ELMOD3: variants seen among roughly 807,000 people sequenced by gnomAD.
ELMOD3 encodes ELMO domain containing 3.
ELMOD3 carries 36 observed loss-of-function variants against 47.4 expected under a neutral mutation model. That is an observed-to-expected ratio of 0.76 (90% CI 0.58 to 1.00). The LOEUF is 1.00. Among genes scored for constraint, ELMOD3 ranks in the 50% least tolerant of loss-of-function variants. ELMOD3 has a pLI of 0.00. For missense variants in ELMOD3, 404 were observed against 463.8 expected, an observed-to-expected ratio of 0.87 and a Z score of 1.18; for synonymous variants, 149 against 183.5, an observed-to-expected ratio of 0.81 and a Z score of 1.52.
In ELMOD3 at chr2:85,375,247, C is replaced by T. The variant is rs376673067; in HGVS notation, c.608-2097C>T. Among the ~76,000 whole-genome samples, 6 of 152,284 alleles carry T rather than the reference C, an allele frequency of 3.9e-5. No homozygotes were observed. In the South Asian group the frequency reaches 8.3e-4, roughly 21 times the overall value. Reference sequence around the variant, plus strand: ...TTTGGTCAATTTTCAGCTGTGATTCCTTTGAATACTTTCTTCAGCTCCACA... The same window carrying T: ...TTTGGTCAATTTTCAGCTGTGATTCTTTTGAATACTTTCTTCAGCTCCACA... On this transcript the variant is annotated intron_variant, in intron 10 of 13. Coordinates refer to ENST00000409013, the MANE Select transcript of ELMOD3 (RefSeq NM_001135022.2).
rs1050290001 is a variant in ELMOD3, at chr2:85,391,553, CCT to C, written c.*592_*593del. ...ATTCACTTACCCACTCTCTTCTCCC[CCT>C]GACCCCCGCTCCATTGTTTATGATG... On this transcript the variant is annotated 3_prime_UTR_variant, in exon 14 of 14. Transcript: ENST00000409013. The C allele has an allele frequency of 3.9e-5, 6 of 153,682 alleles. No individual in the cohort carries two copies. Among genetic ancestry groups the C allele is most frequent in the Non-Finnish European group, 5.8e-5 (4 of 68,952 alleles). 9.5% of individuals were successfully genotyped at this position (153,682 alleles called of 1,614,324 possible).
intron 10 of ELMOD3, among the ~76,000 whole-genome samples, chr2:85,375,574 T>C (rs956189754): frequency 1.3e-5 from 2 of 150,942 alleles, no homozygotes; most frequent in African/African-American, 4.8e-5. Flanking sequence ...ACTGAAACTT[T>C]CTATTTTTTC....
At chr2:85,374,694 C>G (rs1685044789) in intron 10 of ELMOD3, among the ~76,000 whole-genome samples, 1 of 152,078 alleles carries the variant, frequency 6.6e-6, no homozygotes, top group Non-Finnish European at 1.5e-5. Context: ...TGCTTATAGT[C>G]CCAGCTACTG....
intron 11 of ELMOD3, among the ~76,000 whole-genome samples, chr2:85,380,019 C>T (rs769048375): frequency 2.6e-5 from 4 of 152,126 alleles, no homozygotes; most frequent in Non-Finnish European, 4.4e-5. Context: ...TTCCCAAGGG[C>T]GTTATTGGCT....
At chr2:85,365,118 A>G (rs1028002619) in intron 6 of ELMOD3, among the ~76,000 whole-genome samples, 4 of 149,004 alleles carry the variant, frequency 2.7e-5, no homozygotes, top group Admixed American at 2.7e-4. Flanking sequence ...TCTCTGGCTA[A>G]CTTTAAAAAA....
In ELMOD3 at chr2:85,391,037, C is replaced by T. The variant is rs1686320349; in HGVS notation, c.*75C>T. ...GGGTCAGTGGAGCCATGTCAGGAGC[C>T]TGGCCAGGCCGCACCCCTTGCTGTC... is the stretch of plus-strand genomic sequence containing the variant. On this transcript the variant is annotated 3_prime_UTR_variant, in exon 14 of 14. Coordinates refer to ENST00000409013, the MANE Select transcript of ELMOD3 (RefSeq NM_001135022.2). 7.1e-7 allele frequency: 1 copy of T among 1,413,458 alleles called. No individual in the cohort carries two copies. The highest frequency in any genetic ancestry group is 1.4e-5 in the African/African-American group (1 of 69,460). 87.6% of individuals were successfully genotyped at this position (1,413,458 alleles called of 1,614,324 possible).
At chr2:85,382,521 CT>C (rs112459154) in intron 11 of ELMOD3, among the ~76,000 whole-genome samples, 11 of 143,218 alleles carry the variant, frequency 7.7e-5, no homozygotes, top group Admixed American at 1.4e-4. Flanking sequence ...GTCACAAGGA[CT>C]TTTTTTTTTT....
chr2:85,388,445 G>A, intron 11 of ELMOD3, among the ~76,000 whole-genome samples: 1 of 152,172 alleles, frequency 6.6e-6, no homozygotes, highest in East Asian at 1.9e-4. Context: ...ACTTTTTTCT[G>A]CACAGCACTC....
intron 7 of ELMOD3, among the ~76,000 whole-genome samples, chr2:85,369,207 G>C (rs1049996793): frequency 2.6e-5 from 4 of 152,348 alleles, no homozygotes; most frequent in African/African-American, 9.6e-5. Flanking sequence ...CTAAGAGGTT[G>C]GATGAAGAGA....
intron 4 of ELMOD3, among the ~76,000 whole-genome samples, chr2:85,361,820 A>C (rs1219958068): frequency 6.6e-6 from 1 of 151,944 alleles, no homozygotes; most frequent in Non-Finnish European, 1.5e-5. Flanking sequence ...AGTCCCAGCT[A>C]CTCGGAAGGC....
intron 11 of ELMOD3, among the ~76,000 whole-genome samples, chr2:85,388,595 A>G (rs1051908254): frequency 6.6e-6 from 1 of 152,162 alleles, no homozygotes. Context: ...CCTGAGAAAA[A>G]TCTCTGTGGA....
intron 12 of ELMOD3, 65 bp downstream of exon 12, chr2:85,389,892 T>C: frequency 1.4e-6 from 2 of 1,473,790 alleles, no homozygotes; most frequent in East Asian, 4.5e-5. Context: ...CCACTCTGGC[T>C]TAATTTTCCC....
Position 85,356,994 on chromosome 2 carries a change from C to A in ELMOD3, c.-205C>A. The A allele has an allele frequency of 2.2e-6, 1 of 459,538 alleles. No individual in the cohort carries two copies. Among genetic ancestry groups the A allele is most frequent in the South Asian group, 4.1e-5 (1 of 24,472 alleles). The allele number at this position is 459,538 out of a possible 1,614,324, so 28.5% of individuals were successfully genotyped here. ...CTGAGGCTTCGAAGACCTCAGAGGA[C>A]TTCTCTCAGCACTCACAGAAACCTC... On this transcript the variant is annotated 5_prime_UTR_variant, in exon 4 of 14. Transcript: ENST00000409013.
At chr2:85,384,919 CAAAG>C (rs1333816685) in intron 11 of ELMOD3, among the ~76,000 whole-genome samples, 4 of 152,078 alleles carry the variant, frequency 2.6e-5, no homozygotes, top group African/African-American at 9.7e-5. Context: ...GTAAATAAAA[CAAAG>C]ATTCTTCCAG....
At chr2:85,388,994 G>C (rs1010923671) in intron 11 of ELMOD3, among the ~76,000 whole-genome samples, 2 of 152,212 alleles carry the variant, frequency 1.3e-5, no homozygotes, top group African/African-American at 4.8e-5. Flanking sequence ...TGTCATGTCT[G>C]CAAGTTCCCT....
chr2:85,377,374 C>T lies in ELMOD3; in HGVS notation c.638C>T (p.Ala213Val). Residue 213 changes from alanine (A) to valine (V), a missense_variant, in exon 11 of 14, where the codon GCA becomes GTA. Coordinates refer to ENST00000409013, the MANE Select transcript of ELMOD3 (RefSeq NM_001135022.2). ...AATCCAGCCACAGACCTGAGAGGCG[C>T]AGGCTTCCTTGCCCTCCTGCATCTG... ...GANPATDLRG[A>V]GFLALLHLLY... 6.2e-7 allele frequency: 1 copy of T among 1,608,884 alleles called. No individual in the cohort carries two copies. The highest frequency in any genetic ancestry group is 1.3e-5 in the African/African-American group (1 of 74,720).
In ELMOD3 at chr2:85,362,364, G is replaced by T; in HGVS notation, c.129+104G>T. On this transcript the variant is annotated intron_variant, in intron 5 of 13. Transcript: ENST00000409013. ...ACGCTGGGGACACAAGGGTGGCATA[G>T]ACCTTAGCTTCCAAGAGCTCACACT... 6.4e-6 allele frequency: 5 copies of T among 783,192 alleles called. No individual in the cohort carries two copies. The Admixed American group carries it at 9.4e-5, about 15-fold the overall frequency. 48.5% of individuals were successfully genotyped at this position (783,192 alleles called of 1,614,324 possible).
rs913023646 is a variant in ELMOD3, at chr2:85,390,597, C to A, written c.944-163C>A. On this transcript the variant is annotated intron_variant, in intron 13 of 13. Transcript: ENST00000409013. ...GGTCCCTGTGGCTGTAGCTGGCTCC[C>A]TAGCCTACCTCTCTGGTGATCTCTC... The A allele has an allele frequency of 2.9e-5, 45 of 1,531,370 alleles. No homozygotes were observed. The African/African-American group carries it at 6.0e-4, about 20-fold the overall frequency. 94.9% of individuals were successfully genotyped at this position (1,531,370 alleles called of 1,614,324 possible).
Position 85,389,736 on chromosome 2 carries a change from G to A in ELMOD3, c.739-15G>A. 1 of 1,613,236 alleles carries A rather than the reference G, an allele frequency of 6.2e-7. No individual in the cohort carries two copies. Among genetic ancestry groups the A allele is most frequent in the Non-Finnish European group, 8.5e-7 (1 of 1,179,268 alleles). On this transcript the variant is annotated splice_polypyrimidine_tract_variant and intron_variant, in intron 11 of 13. Coordinates refer to ENST00000409013, the MANE Select transcript of ELMOD3 (RefSeq NM_001135022.2). ...GAGCTGGAGTTGCTGCTGACTGGGT[G>A]CCCCTCCATTCCAGCAATTCCCTTT...
Sources: gnomAD v4.1 joint callset for allele counts (sites outside exome capture counted in the v4.1 genomes callset) on GRCh38, gnomAD v4.1.1 for gene constraint, MANE v1.5 for transcripts, NCBI Gene and HGNC (gene_info 2026-07-23, HGNC 2026-07-21) for gene names.